LEPROT: variants seen among roughly 807,000 people sequenced by gnomAD.
LEPROT encodes leptin receptor overlapping transcript, also known as leptin receptor gene-related protein.
A neutral mutation model predicts 15.4 loss-of-function variants in LEPROT; 3 were observed. The ratio of observed to expected loss-of-function variants is 0.19; its 90% CI spans 0.09 to 0.50. The LOEUF (loss-of-function observed/expected upper bound fraction) is 0.50. Ranked by LOEUF, LEPROT falls within the 20% of genes least tolerant of loss-of-function variation. The probability of loss-of-function intolerance (pLI) is 0.97; values close to 1 mark genes in which losing one functional copy is unlikely to be tolerated. For synonymous variants in LEPROT, 59 were observed against 57.5 expected (o/e 1.03, Z -0.12); for missense variants, 137 against 162.2 (o/e 0.84, Z 0.84).
chr1:65,434,425 T>A lies in LEPROT; in HGVS notation c.*2506T>A. 8 of 985,432 alleles carry A rather than the reference T, an allele frequency of 8.1e-6. No individual in the cohort carries two copies. Among genetic ancestry groups the A allele is most frequent in the Non-Finnish European group, 8.4e-6 (7 of 829,940 alleles). 61.0% of individuals were successfully genotyped at this position (985,432 alleles called of 1,614,324 possible). A position where few individuals can be genotyped will look rare whatever the true frequency, so the allele number is the denominator to read the frequency against. ...AATTGGCCACAAGTAAATAATCTTA[T>A]GAAGGGATTCTTTATCATGTTTCAA... On this transcript the variant is annotated 3_prime_UTR_variant, in exon 4 of 4. Coordinates refer to ENST00000371065, the MANE Select transcript of LEPROT (RefSeq NM_017526.5).
At chr1:65,422,633 G>T (rs1489208215) in intron 1 of LEPROT, among the ~76,000 whole-genome samples, 4 of 152,262 alleles carry the variant, frequency 2.6e-5, no homozygotes, top group Non-Finnish European at 4.4e-5. Flanking sequence ...GGCTTCCCTT[G>T]GCAAGGCATG....
chr1:65,422,942 G>C (rs1025349811), intron 1 of LEPROT, among the ~76,000 whole-genome samples: 12 of 152,090 alleles, frequency 7.9e-5, no homozygotes, highest in African/African-American at 2.7e-4. Flanking sequence ...AGTCACAGAG[G>C]CAGGAATAAG....
In LEPROT at chr1:65,434,917, A is replaced by G; in HGVS notation, c.*2998A>G. The stretch of plus-strand genomic sequence containing the variant: ...AAGCAGATCACACTTCATCACAGAA[A>G]GAATGCCTTGTGATTATCTTCTCCA... On this transcript the variant is annotated 3_prime_UTR_variant, in exon 4 of 4. Coordinates refer to ENST00000371065, the MANE Select transcript of LEPROT (RefSeq NM_017526.5). 1 of 985,450 alleles carries G rather than the reference A, an allele frequency of 1.0e-6. No individual in the cohort carries two copies. Among genetic ancestry groups the G allele is most frequent in the Non-Finnish European group, 1.2e-6 (1 of 829,920 alleles). 61.0% of individuals were successfully genotyped at this position (985,450 alleles called of 1,614,324 possible).
At chr1:65,428,226 C>T (rs1646417816) in intron 2 of LEPROT, among the ~76,000 whole-genome samples, 1 of 152,026 alleles carries the variant, frequency 6.6e-6, no homozygotes, top group African/African-American at 2.4e-5. Flanking sequence ...AACAAGGTTT[C>T]TTGTACATTA....
chr1:65,433,050 C>CGGGCAGGGAGGCT lies in LEPROT; in HGVS notation c.*1136_*1148dup. 1.0e-6 allele frequency: 1 copy of CGGGCAGGGAGGCT among 985,346 alleles called. No homozygotes were observed. The highest frequency in any genetic ancestry group is 1.2e-6 in the Non-Finnish European group (1 of 829,886). 61.0% of individuals were successfully genotyped at this position (985,346 alleles called of 1,614,324 possible). Reference sequence around the variant, plus strand: ...CTGGGGGAAGAGCTCCACTGAGATGCGGGCAGGGAGGCTGGGCTCGAGCCA... The same window carrying CGGGCAGGGAGGCT: ...CTGGGGGAAGAGCTCCACTGAGATGCGGGCAGGGAGGCTGGGCAGGGAGGCTGGGCTCGAGCCA... On this transcript the variant is annotated 3_prime_UTR_variant, in exon 4 of 4. Coordinates refer to ENST00000371065, the MANE Select transcript of LEPROT (RefSeq NM_017526.5).
At chr1:65,426,170 G>GT (rs1557581479) in intron 2 of LEPROT, among the ~76,000 whole-genome samples, 6 of 152,244 alleles carry the variant, frequency 3.9e-5, no homozygotes, top group African/African-American at 1.4e-4. Context: ...CAGCAAGCAG[G>GT]CCATACAGAT....
intron 3 of LEPROT, among the ~76,000 whole-genome samples, chr1:65,430,851 T>C (rs1343748676): frequency 6.6e-6 from 1 of 152,194 alleles, no homozygotes; most frequent in African/African-American, 2.4e-5. Context: ...CAGAATGCCA[T>C]AGGGGCACCA....
chr1:65,431,549 G>A (rs1357095560), intron 3 of LEPROT, among the ~76,000 whole-genome samples: 2 of 152,142 alleles, frequency 1.3e-5, no homozygotes, highest in African/African-American at 4.8e-5. Flanking sequence ...GGCAATCATT[G>A]TCAATTAAAA....
intron 1 of LEPROT, among the ~76,000 whole-genome samples, chr1:65,423,500 C>T (rs773670236): frequency 1.3e-5 from 2 of 151,902 alleles, no homozygotes; most frequent in African/African-American, 2.4e-5. Flanking sequence ...GGGGTACTGC[C>T]GATGGTCAGG....
intron 2 of LEPROT, among the ~76,000 whole-genome samples, chr1:65,426,432 G>A (rs1646371536): frequency 6.6e-6 from 1 of 152,108 alleles, no homozygotes; most frequent in Non-Finnish European, 1.5e-5. Flanking sequence ...TTGAGAATGG[G>A]TTTGGAGGAG....
Position 65,432,581 on chromosome 1 carries a change from A to G in LEPROT, c.*662A>G, listed in dbSNP as rs1031051741. 9.5e-6 allele frequency: 9 copies of G among 947,172 alleles called. No homozygotes were observed. The African/African-American group carries it at 1.2e-4, about 13-fold the overall frequency. The allele number at this position is 947,172 out of a possible 1,614,324, so 58.7% of individuals were successfully genotyped here. A position where few individuals can be genotyped will look rare whatever the true frequency, so the allele number is the denominator to read the frequency against. Reference sequence around the variant, plus strand: ...CTCATTTGTTTAAAAAAAAAAAAAAAGTCTCACCTGCTTTCATGCTGAGGA... The same window carrying G: ...CTCATTTGTTTAAAAAAAAAAAAAAGGTCTCACCTGCTTTCATGCTGAGGA... On this transcript the variant is annotated 3_prime_UTR_variant, in exon 4 of 4. Coordinates refer to ENST00000371065, the MANE Select transcript of LEPROT (RefSeq NM_017526.5).
chr1:65,435,855 T>G lies in LEPROT; in HGVS notation c.*3936T>G. ...CCTTTTTCCATTTTGTCTCATGAAG[T>G]ACCTTATTGCAAAAATCCCACTGAG... is the stretch of plus-strand genomic sequence containing the variant. On this transcript the variant is annotated 3_prime_UTR_variant, in exon 4 of 4. Coordinates refer to ENST00000371065, the MANE Select transcript of LEPROT (RefSeq NM_017526.5). 1 of 983,060 alleles carries G rather than the reference T, an allele frequency of 1.0e-6. No homozygotes were observed. Among genetic ancestry groups the G allele is most frequent in the Non-Finnish European group, 1.2e-6 (1 of 827,748 alleles). The allele number at this position is 983,060 out of a possible 1,614,324, so 60.9% of individuals were successfully genotyped here.
chr1:65,433,539 G>A lies in LEPROT; in HGVS notation c.*1620G>A, dbSNP rs367947175. On this transcript the variant is annotated 3_prime_UTR_variant, in exon 4 of 4. Transcript: ENST00000371065. ...TACATTCAAAACACTTAATCCTTGA[G>A]GCTTGTGATCTGAGTAATTAGCAGG... 25 of 985,398 alleles carry A rather than the reference G, an allele frequency of 2.5e-5. No individual in the cohort carries two copies. In the South Asian group the frequency reaches 3.3e-4, roughly 13 times the overall value. 61.0% of individuals were successfully genotyped at this position (985,398 alleles called of 1,614,324 possible).
chr1:65,434,553 C>G lies in LEPROT; in HGVS notation c.*2634C>G, dbSNP rs1646532700. On this transcript the variant is annotated 3_prime_UTR_variant, in exon 4 of 4. Coordinates refer to ENST00000371065, the MANE Select transcript of LEPROT (RefSeq NM_017526.5). The stretch of plus-strand genomic sequence containing the variant: ...CAAGCCTCCCTCAACAGGTTCAACT[C>G]TAATATACCTAACCTGTGATACTGA... The G allele has an allele frequency of 4.1e-6, 4 of 985,226 alleles. No homozygotes were observed. Among genetic ancestry groups the G allele is most frequent in the Non-Finnish European group, 4.8e-6 (4 of 829,758 alleles). 61.0% of individuals were successfully genotyped at this position (985,226 alleles called of 1,614,324 possible). A position where few individuals can be genotyped will look rare whatever the true frequency, so the allele number is the denominator to read the frequency against.
chr1:65,425,508 C>A, intron 2 of LEPROT, 130 bp downstream of exon 2: 1 of 670,856 alleles, frequency 1.5e-6, no homozygotes, highest in Non-Finnish European at 2.4e-6. Flanking sequence ...AGTTTATGAA[C>A]ACAGTCCCTT....
Position 65,421,267 on chromosome 1 carries a change from A to G in LEPROT, c.16+527A>G, listed in dbSNP as rs1426554289. The G allele has an allele frequency of 1.2e-5, 18 of 1,458,714 alleles. 1 individual carries two copies. In the South Asian group the frequency reaches 2.2e-4, roughly 18 times the overall value. The allele number at this position is 1,458,714 out of a possible 1,614,324, so 90.4% of individuals were successfully genotyped here. A position where few individuals can be genotyped will look rare whatever the true frequency, so the allele number is the denominator to read the frequency against. On this transcript the variant is annotated intron_variant, in intron 1 of 3. Coordinates refer to ENST00000371065, the MANE Select transcript of LEPROT (RefSeq NM_017526.5). The stretch of plus-strand genomic sequence containing the variant: ...AAGACGGTGTTTCTCGCAGTCGTGG[A>G]GAGTAGATTACGTGTAATTTTAATA...
intron 3 of LEPROT, among the ~76,000 whole-genome samples, chr1:65,431,228 C>T (rs1283721730): frequency 1.3e-5 from 2 of 152,154 alleles, no homozygotes; most frequent in African/African-American, 2.4e-5. Flanking sequence ...ATACTGCCAT[C>T]ATATTTTGTG....
intron 1 of LEPROT, 55 bp from the exon 2 acceptor site, chr1:65,425,248 A>G: frequency 6.7e-7 from 1 of 1,489,468 alleles, no homozygotes; most frequent in Non-Finnish European, 9.3e-7. Context: ...CAAACCCTCT[A>G]GTGCCTGACA....
rs771686222 is a variant in LEPROT at position 65,432,724 on chromosome 1, ATTT to A, written c.*812_*814del. The A allele has an allele frequency of 1.3e-6, 1 of 780,484 alleles. No individual in the cohort carries two copies. Among genetic ancestry groups the A allele is most frequent in the Non-Finnish European group, 1.6e-6 (1 of 643,544 alleles). 48.3% of individuals were successfully genotyped at this position (780,484 alleles called of 1,614,324 possible). A position where few individuals can be genotyped will look rare whatever the true frequency, so the allele number is the denominator to read the frequency against. ...GCCTCAGTTAGGAGGAATAAGTGTG[ATTT>A]TTTTTTAAAGATCACTTGCACAGCA... On this transcript the variant is annotated 3_prime_UTR_variant, in exon 4 of 4. Coordinates refer to ENST00000371065, the MANE Select transcript of LEPROT (RefSeq NM_017526.5).
Sources: gnomAD v4.1 joint callset for allele counts (sites outside exome capture counted in the v4.1 genomes callset) on GRCh38, gnomAD v4.1.1 for gene constraint, MANE v1.5 for transcripts, NCBI Gene and HGNC (gene_info 2026-07-23, HGNC 2026-07-21) for gene names.